Variants in CCDC171 observed in about 807,000 individuals in gnomAD.
CCDC171 encodes coiled-coil domain-containing protein 171.
Under a neutral mutation model 168.2 loss-of-function variants are expected in CCDC171, and 177 were observed. The ratio of observed to expected loss-of-function variants is 1.05; its 90% confidence interval spans 0.93 to 1.19. The LOEUF is 1.19. Ranked by LOEUF, CCDC171 falls within the 50% of genes most tolerant of loss-of-function variation. CCDC171 has a pLI of 0.00. For missense variants in CCDC171, 1,991 were observed against 1,539.0 expected, an observed-to-expected ratio of 1.29 and a Z score of -4.91; for synonymous variants, 687 against 540.8, an observed-to-expected ratio of 1.27 and a Z score of -3.75.
At chr9:15,980,342 A>C (rs546899996) in intron 3 of CCDC171, among the ~76,000 whole-genome samples, 3 of 152,286 alleles carry the variant, frequency 2.0e-5, no homozygotes, top group African/African-American at 7.2e-5. Flanking sequence ...CCTAGAACTA[A>C]TTCTTAAGTT....
intron 9 of CCDC171, among the ~76,000 whole-genome samples, chr9:15,672,348 A>G (rs192401929): frequency 4.9e-4 from 75 of 152,152 alleles, no homozygotes; most frequent in African/African-American, 1.8e-3. Context: ...GAAGCTCTTT[A>G]GTTTAATTCA....
chr9:15,722,229 A>G (rs981424751), intron 12 of CCDC171, among the ~76,000 whole-genome samples: 1 of 152,222 alleles, frequency 6.6e-6, no homozygotes, highest in Non-Finnish European at 1.5e-5. Context: ...CATTTGGTAT[A>G]GCTACTGGAA....
At chr9:16,081,509 C>T in the CCDC171 span, among the ~76,000 whole-genome samples, 1 of 152,152 alleles carries the variant, frequency 6.6e-6, no homozygotes, top group Non-Finnish European at 1.5e-5. Context: ...AAATGTAGCT[C>T]TAGATGCTGT....
In CCDC171 at chr9:15,832,981, C is replaced by CT. The variant is rs71325937; in HGVS notation, c.3268-13697dup. ...AGGAAATTTTCAGCTTCATTATAATCTTTTTTTTTTTTTTTTTTTTTTTTG... is the reference window on the plus strand; with the variant it reads ...AGGAAATTTTCAGCTTCATTATAATCTTTTTTTTTTTTTTTTTTTTTTTTTG... On this transcript the variant is annotated intron_variant, in intron 21 of 25. Transcript: ENST00000380701. 5.5e-3 allele frequency among the ~76,000 whole-genome samples: 379 copies of CT among 69,420 alleles called. 12 individuals are homozygous for CT. Among genetic ancestry groups the CT allele is most frequent in the African/African-American group, 0.016 (275 of 17,722 alleles). 45.5% of individuals were successfully genotyped at this position (69,420 alleles called of 152,430 possible).
At chr9:16,008,551 C>T (rs898982143) in intron 3 of CCDC171, among the ~76,000 whole-genome samples, 7 of 152,108 alleles carry the variant, frequency 4.6e-5, no homozygotes, top group African/African-American at 7.2e-5. Flanking sequence ...AATGCTTAGG[C>T]GTCTCATGGA....
chr9:15,882,015 C>T (rs1232282063), intron 24 of CCDC171, among the ~76,000 whole-genome samples: 1 of 152,150 alleles, frequency 6.6e-6, no homozygotes, highest in Non-Finnish European at 1.5e-5. Context: ...TGAGGAAACT[C>T]CATACTGTTC....
At chr9:15,921,660 T>C (rs2132011134) in intron 25 of CCDC171, among the ~76,000 whole-genome samples, 1 of 151,716 alleles carries the variant, frequency 6.6e-6, no homozygotes, top group South Asian at 2.1e-4. Flanking sequence ...AAAAAGACAG[T>C]TATTTGGGAC....
At chr9:15,677,331 A>T (rs184577994) in intron 9 of CCDC171, among the ~76,000 whole-genome samples, 23 of 152,156 alleles carry the variant, frequency 1.5e-4, no homozygotes, top group African/African-American at 5.6e-4. Context: ...GCCTTGGAAT[A>T]TTCCTAATCT....
intron 23 of CCDC171, among the ~76,000 whole-genome samples, chr9:15,859,934 T>TG (rs1157963094): frequency 2.0e-5 from 3 of 151,892 alleles, no homozygotes; most frequent in African/African-American, 2.4e-5. Context: ...ACGGAAGTGC[T>TG]GGGATTATAG....
chr9:15,592,213 C>T (rs989019514), intron 5 of CCDC171, among the ~76,000 whole-genome samples: 2 of 151,436 alleles, frequency 1.3e-5, no homozygotes, highest in African/African-American at 2.4e-5. Flanking sequence ...CCTGTAGTTC[C>T]AGCTAGTAGG....
In CCDC171 at chr9:15,777,669, A is replaced by G; in HGVS notation, c.2741A>G (p.Asp914Gly). ...AAGAATTCTTTTGCAAAACTCATGG[A>G]TAAAATTAGTCTGGTAATGGAATGT... ...AAKNSFAKLMDKISLVMECIP... is the reference protein window; with the variant it reads ...AAKNSFAKLMGKISLVMECIP... The change falls in exon 19 of 26, where the codon GAT (aspartate) becomes GGT (glycine). Residue 914 changes from aspartate (D) to glycine (G), a missense_variant. By Grantham distance (94) the Asp-to-Gly change is moderately conservative (BLOSUM62 -1). Coordinates refer to ENST00000380701, the MANE Select transcript of CCDC171 (RefSeq NM_173550.4). 1.9e-6 allele frequency: 3 copies of G among 1,614,118 alleles called. No homozygotes were observed. The highest frequency in any genetic ancestry group is 2.5e-6 in the Non-Finnish European group (3 of 1,179,994).
chr9:15,768,773 G>A (rs1179661920), intron 18 of CCDC171, among the ~76,000 whole-genome samples: 1 of 152,024 alleles, frequency 6.6e-6, no homozygotes, highest in Non-Finnish European at 1.5e-5. Context: ...ATTATTTTAA[G>A]TGGTTATAAT....
chr9:15,589,838 A>G (rs1030647670), intron 4 of CCDC171, among the ~76,000 whole-genome samples: 2 of 152,216 alleles, frequency 1.3e-5, no homozygotes, highest in Non-Finnish European at 2.9e-5. Flanking sequence ...GAGAGAAGAG[A>G]TGAAAAAATT....
At chr9:15,627,523 G>T (rs1210527160) in intron 7 of CCDC171, among the ~76,000 whole-genome samples, 1 of 152,082 alleles carries the variant, frequency 6.6e-6, no homozygotes, top group Non-Finnish European at 1.5e-5. Flanking sequence ...TTGTGTCTTT[G>T]TTCTCATTGG....
chr9:15,757,122 G>A (rs965340036), intron 18 of CCDC171, among the ~76,000 whole-genome samples: 1 of 152,198 alleles, frequency 6.6e-6, no homozygotes, highest in African/African-American at 2.4e-5. Flanking sequence ...AAATGTTTAA[G>A]CGACTTTGGA....
At chr9:15,589,419 G>C (rs1408331700) in intron 4 of CCDC171, among the ~76,000 whole-genome samples, 1 of 152,068 alleles carries the variant, frequency 6.6e-6, no homozygotes, top group Non-Finnish European at 1.5e-5. Flanking sequence ...CTAGATTGTA[G>C]ATCTTTAGAT....
chr9:15,771,209 T>G (rs2056995694), intron 18 of CCDC171, among the ~76,000 whole-genome samples: 1 of 152,284 alleles, frequency 6.6e-6, no homozygotes, highest in Admixed American at 6.5e-5. Flanking sequence ...ATCTTATACT[T>G]GTGCAGTTAT....
At chr9:15,807,091 G>A (rs2059115862) in intron 21 of CCDC171, among the ~76,000 whole-genome samples, 1 of 152,004 alleles carries the variant, frequency 6.6e-6, no homozygotes, top group Admixed American at 6.6e-5. Context: ...CTTCTTTGTG[G>A]CTATTTCATT....
chr9:15,728,843 C>T (rs558806775), intron 15 of CCDC171, among the ~76,000 whole-genome samples: 2 of 151,372 alleles, frequency 1.3e-5, no homozygotes, highest in African/African-American at 4.9e-5. Flanking sequence ...AAAACTGTCC[C>T]GTAAGTTAAA....
Sources: allele counts gnomAD v4.1 joint callset (sites outside exome capture counted in the v4.1 genomes callset), GRCh38; gene constraint gnomAD v4.1.1; transcripts MANE v1.5; gene names NCBI Gene and HGNC (gene_info 2026-07-23, HGNC 2026-07-21).